The following GMDS variants were observed in gnomAD, a reference collection of about 807,000 sequenced individuals.
The protein encoded by GMDS is GDP-mannose 4,6-dehydratase, also known as GDP-mannose 4,6 dehydratase.
Under a neutral mutation model 49.9 loss-of-function variants are expected in GMDS, and 20 were observed. That is an observed-to-expected ratio of 0.40 (90% CI 0.28 to 0.58). The LOEUF is 0.58. Ranked by LOEUF, GMDS falls within the 20% of genes least tolerant of loss-of-function variation. The probability of loss-of-function intolerance (pLI) is 0.42; values close to 1 mark genes in which losing one functional copy is unlikely to be tolerated. For synonymous variants in GMDS, 177 were observed against 178.6 expected (o/e 0.99, Z 0.07); for missense variants, 362 against 481.4 (o/e 0.75, Z 2.32).
intron 7 of GMDS, among the ~76,000 whole-genome samples, chr6:1,863,907 A>G (rs1260851082): frequency 1.3e-5 from 2 of 152,210 alleles, no homozygotes; most frequent in East Asian, 3.9e-4. Context: ...TTTAATATAT[A>G]TTTTCTAATG....
chr6:2,149,354 A>G (rs1459079854), intron 1 of GMDS, among the ~76,000 whole-genome samples: 1 of 152,172 alleles, frequency 6.6e-6, no homozygotes, highest in African/African-American at 2.4e-5. Context: ...ACCACCAGCA[A>G]ATACTGCATC....
chr6:1,761,521 T>C (rs1051935227), intron 7 of GMDS, among the ~76,000 whole-genome samples: 16 of 152,230 alleles, frequency 1.1e-4, no homozygotes, highest in Non-Finnish European at 1.9e-4. Context: ...TAATGTCATT[T>C]ACGCCAGTGC....
chr6:2,210,501 G>A (rs979437937), intron 1 of GMDS, among the ~76,000 whole-genome samples: 10 of 152,102 alleles, frequency 6.6e-5, no homozygotes, highest in African/African-American at 1.7e-4. Context: ...GAGAATGGAC[G>A]GGCTAAGACA....
intron 7 of GMDS, among the ~76,000 whole-genome samples, chr6:1,897,863 G>T (rs1484685127): frequency 6.6e-6 from 1 of 152,218 alleles, no homozygotes; most frequent in Non-Finnish European, 1.5e-5. Context: ...TCATGCAAAA[G>T]AAGCTCCTGA....
chr6:1,826,972 C>G (rs1581228410), intron 7 of GMDS, among the ~76,000 whole-genome samples: 1 of 151,834 alleles, frequency 6.6e-6, no homozygotes. Context: ...GAGGCTGAGG[C>G]AGAAAGATCA....
intron 4 of GMDS, among the ~76,000 whole-genome samples, chr6:2,048,404 C>G (rs2127434448): frequency 6.6e-6 from 1 of 152,336 alleles, no homozygotes; most frequent in East Asian, 1.9e-4. Flanking sequence ...ATATGTTACT[C>G]TCAGGCCAAT....
chr6:1,715,415 C>G (rs1282058099), intron 9 of GMDS, among the ~76,000 whole-genome samples: 1 of 152,182 alleles, frequency 6.6e-6, no homozygotes, highest in East Asian at 1.9e-4. Flanking sequence ...TTCATTCATT[C>G]TTTATCCCCT....
chr6:1,746,227 CTT>C (rs67701395), intron 7 of GMDS, among the ~76,000 whole-genome samples: 84,235 of 151,886 alleles, frequency 0.55, 24,043 homozygotes, highest in African/African-American at 0.68. Context: ...AGTCTTCTCT[CTT>C]TGTCTCTCAA....
intron 2 of GMDS, among the ~76,000 whole-genome samples, chr6:2,117,991 A>C (rs1322056419): frequency 6.6e-6 from 1 of 152,186 alleles, no homozygotes; most frequent in Non-Finnish European, 1.5e-5. Context: ...CAGAGCTTGC[A>C]CTTTGCATCT....
chr6:2,124,896 T>G (rs1581684345), intron 1 of GMDS, among the ~76,000 whole-genome samples, 165 bp from the exon 2 acceptor site: 1 of 152,188 alleles, frequency 6.6e-6, no homozygotes, highest in Non-Finnish European at 1.5e-5. Context: ...CCACATGGTG[T>G]TCCACTATAC....
intron 8 of GMDS, 67 bp downstream of exon 8, chr6:1,742,401 G>T: frequency 1.2e-6 from 1 of 852,048 alleles, no homozygotes; most frequent in Non-Finnish European, 2.0e-6. Flanking sequence ...CCAGAACCGA[G>T]GCTTCAGCAA....
intron 4 of GMDS, among the ~76,000 whole-genome samples, chr6:2,066,432 G>A (rs1053971143): frequency 2.6e-4 from 39 of 147,724 alleles, no homozygotes; most frequent in African/African-American, 8.1e-4. Flanking sequence ...AACTTTAAAT[G>A]TAAATGGACT....
chr6:1,926,045 C>A (rs1485830490), intron 7 of GMDS, among the ~76,000 whole-genome samples: 3 of 152,172 alleles, frequency 2.0e-5, no homozygotes, highest in Admixed American at 6.5e-5. Context: ...GCTCCAGCCA[C>A]TGAGAGACCC....
rs1756749181 is a variant in GMDS, at chr6:1,833,142, T to C, written c.772-90556A>G. Among the ~76,000 whole-genome samples, 1 of 151,456 alleles carries C rather than the reference T, an allele frequency of 6.6e-6. No individual in the cohort carries two copies. The highest frequency in any genetic ancestry group is 2.4e-5 in the African/African-American group (1 of 41,168). Reference sequence around the variant, plus strand: ...TATGAAAGCCTTTTTTTTTTTTTTTTTTTTTTTAAACTAATGCACTGGAAG... The same window carrying C: ...TATGAAAGCCTTTTTTTTTTTTTTTCTTTTTTTAAACTAATGCACTGGAAG... On this transcript the variant is annotated intron_variant, in intron 7 of 10. Coordinates refer to ENST00000380815, the MANE Select transcript of GMDS (RefSeq NM_001500.4). This position sits in a 1 kb window ranked among gnomAD's most constrained non-coding sequence, Gnocchi z 4.4.
At chr6:2,013,594 A>T (rs1344901367) in intron 4 of GMDS, among the ~76,000 whole-genome samples, 1 of 152,098 alleles carries the variant, frequency 6.6e-6, no homozygotes, top group African/African-American at 2.4e-5. Flanking sequence ...GTAATGCAAG[A>T]AAAGAGGTGG....
At chr6:1,954,659 GCTC>G (rs1211320298) in intron 6 of GMDS, among the ~76,000 whole-genome samples, 2 of 152,200 alleles carry the variant, frequency 1.3e-5, no homozygotes, top group African/African-American at 4.8e-5. Context: ...ATAAGAAGCA[GCTC>G]CTCATCAGTG....
intron 4 of GMDS, among the ~76,000 whole-genome samples, chr6:1,983,463 T>A (rs7752080): frequency 0.57 from 87,129 of 151,678 alleles, 25,192 homozygotes; most frequent in African/African-American, 0.66. Flanking sequence ...TGGAAAAAAA[T>A]TTTTCCAATC....
At chr6:2,111,696 T>C (rs980252236) in intron 4 of GMDS, among the ~76,000 whole-genome samples, 2 of 152,128 alleles carry the variant, frequency 1.3e-5, no homozygotes, top group Non-Finnish European at 1.5e-5. Flanking sequence ...TGTGCTAATA[T>C]TAGGACCTTT....
At chr6:1,748,806 ATTTC>A (rs1236169790) in intron 7 of GMDS, among the ~76,000 whole-genome samples, 1 of 152,248 alleles carries the variant, frequency 6.6e-6, no homozygotes, top group Non-Finnish European at 1.5e-5. Context: ...GTTGCCTGTA[ATTTC>A]TTTGACTCTA....
Sources: allele counts gnomAD v4.1 joint callset (sites outside exome capture counted in the v4.1 genomes callset), GRCh38; gene constraint gnomAD v4.1.1; non-coding constraint Gnocchi (gnomAD v3.1); transcripts MANE v1.5; gene names NCBI Gene and HGNC (gene_info 2026-07-23, HGNC 2026-07-21).